Variants in LSAMP observed in about 807,000 individuals in gnomAD.
The protein encoded by LSAMP is limbic system associated membrane protein, also known as limbic system-associated membrane protein.
Under a neutral mutation model 38.6 loss-of-function variants are expected in LSAMP, and 7 were observed. The ratio of observed to expected loss-of-function variants is 0.18; its 90% CI spans 0.10 to 0.34. The LOEUF is 0.34. LSAMP is among the 10% of genes least tolerant of loss of function. The pLI is 1.00. For missense variants in LSAMP, 313 were observed against 420.0 expected (o/e 0.75, Z 2.23); for synonymous variants, 154 against 166.8 (o/e 0.92, Z 0.59).
chr3:116,081,450 C>T (rs1707870932), intron 2 of LSAMP, among the ~76,000 whole-genome samples: 1 of 147,960 alleles, frequency 6.8e-6, no homozygotes, highest in Non-Finnish European at 1.5e-5. Flanking sequence ...AAGACTCTGT[C>T]TCAAAAAAAA....
chr3:116,135,839 C>G lies in LSAMP; in HGVS notation c.156-49283G>C, dbSNP rs145721412. On this transcript the variant is annotated intron_variant, in intron 1 of 6. Transcript: ENST00000490035. ...ATAATGCATCCCATAATTTCTCATC[C>G]TTCCTTGTTCCACAGGCTCAGGCAG... 2.0e-3 allele frequency among the ~76,000 whole-genome samples: 303 copies of G among 152,254 alleles called. 3 individuals are homozygous for G. Among genetic ancestry groups the G allele is most frequent in the East Asian group, 0.014 (72 of 5,178 alleles).
intron 1 of LSAMP, among the ~76,000 whole-genome samples, chr3:116,098,358 G>T (rs549547862): frequency 6.6e-6 from 1 of 152,064 alleles, no homozygotes; most frequent in African/African-American, 2.4e-5. Context: ...AATTAGCCGG[G>T]CGTGGTGGCG....
chr3:115,877,254 GT>G (rs111822478), intron 3 of LSAMP, among the ~76,000 whole-genome samples: 2,378 of 148,792 alleles, frequency 0.016, 54 homozygotes, highest in African/African-American at 0.053. Flanking sequence ...AAAGCTCCCT[GT>G]TTTTTTTTTC....
chr3:116,403,603 TG>T (rs1445284927), intron 1 of LSAMP, among the ~76,000 whole-genome samples: 5 of 152,198 alleles, frequency 3.3e-5, no homozygotes, highest in Non-Finnish European at 7.4e-5. Context: ...GAAATAATTC[TG>T]TGTGCTCTCA....
intron 1 of LSAMP, among the ~76,000 whole-genome samples, chr3:116,248,876 G>A (rs1158355292): frequency 1.3e-5 from 2 of 152,088 alleles, no homozygotes; most frequent in African/African-American, 2.4e-5. Context: ...TGCCAGGCGC[G>A]GTGGCTCACG....
In LSAMP at chr3:115,804,729, T is replaced by C. The variant is rs1933593231; in HGVS notation, c.*5588A>G. Reference sequence around the variant, plus strand: ...ATTTTTTATGTAACAGTTGTTCATATTGTAGGAATGATATATATGTCATCC... The same window carrying C: ...ATTTTTTATGTAACAGTTGTTCATACTGTAGGAATGATATATATGTCATCC... On this transcript the variant is annotated 3_prime_UTR_variant, in exon 7 of 7. Transcript: ENST00000490035. 6.6e-6 allele frequency: 1 copy of C among 152,194 alleles called. No individual in the cohort carries two copies. Among genetic ancestry groups the C allele is most frequent in the African/African-American group, 2.4e-5 (1 of 41,452 alleles). 9.4% of individuals were successfully genotyped at this position (152,194 alleles called of 1,614,324 possible).
chr3:116,213,883 T>G (rs1007487934), intron 1 of LSAMP, among the ~76,000 whole-genome samples: 48 of 152,150 alleles, frequency 3.2e-4, no homozygotes, highest in African/African-American at 1.1e-3. Flanking sequence ...AGTGAAATGA[T>G]GGATGCCAAG....
chr3:116,248,836 T>A (rs2046637515), intron 1 of LSAMP, among the ~76,000 whole-genome samples: 1 of 152,030 alleles, frequency 6.6e-6, no homozygotes. Flanking sequence ...TTGGATATAA[T>A]CCCCATCAGT....
intron 1 of LSAMP, among the ~76,000 whole-genome samples, chr3:116,346,642 TA>T (rs2048067927): frequency 6.6e-6 from 1 of 152,192 alleles, no homozygotes; most frequent in African/African-American, 2.4e-5. Context: ...ATTTTAGAAG[TA>T]AAACAGTTGC....
At chr3:116,416,371 A>G (rs1039201060) in intron 1 of LSAMP, among the ~76,000 whole-genome samples, 1 of 152,190 alleles carries the variant, frequency 6.6e-6, no homozygotes, top group Admixed American at 6.6e-5. Flanking sequence ...AGGGAGCACC[A>G]TGATTAGAGT....
At chr3:116,003,373 A>G (rs1274330265) in intron 3 of LSAMP, among the ~76,000 whole-genome samples, 1 of 152,210 alleles carries the variant, frequency 6.6e-6, no homozygotes, top group African/African-American at 2.4e-5. Context: ...TTGACAATAA[A>G]GGCAAGATCT....
At chr3:116,005,146 C>A (rs1029206230) in intron 3 of LSAMP, among the ~76,000 whole-genome samples, 1 of 152,062 alleles carries the variant, frequency 6.6e-6, no homozygotes, top group Non-Finnish European at 1.5e-5. Flanking sequence ...TTGTCCAAAT[C>A]TTATGGAATT....
At chr3:116,271,771 A>C (rs1232753926) in intron 1 of LSAMP, among the ~76,000 whole-genome samples, 1 of 152,106 alleles carries the variant, frequency 6.6e-6, no homozygotes, top group Non-Finnish European at 1.5e-5. Flanking sequence ...AGTCTAAAAG[A>C]GAAGCTGCAC....
At chr3:116,094,802 G>T (rs1467545485) in intron 1 of LSAMP, among the ~76,000 whole-genome samples, 2 of 152,186 alleles carry the variant, frequency 1.3e-5, no homozygotes, top group African/African-American at 4.8e-5. Flanking sequence ...TTGGAACACA[G>T]ATAAGTCTTT....
chr3:116,226,578 G>A (rs1190711476), intron 1 of LSAMP, among the ~76,000 whole-genome samples: 4 of 152,170 alleles, frequency 2.6e-5, no homozygotes, highest in African/African-American at 9.7e-5. Flanking sequence ...CACTTCTCTG[G>A]AATCAGTGTC....
chr3:116,167,707 A>G (rs1193868380), intron 1 of LSAMP, among the ~76,000 whole-genome samples: 2 of 152,238 alleles, frequency 1.3e-5, no homozygotes, highest in Admixed American at 6.5e-5. Context: ...CTCTGCCCTC[A>G]TGGAGAAACA....
In LSAMP at chr3:116,414,673, A is replaced by G. The variant is rs146580640; in HGVS notation, c.155+30204T>C. On this transcript the variant is annotated intron_variant, in intron 1 of 6. Coordinates refer to ENST00000490035, the MANE Select transcript of LSAMP (RefSeq NM_002338.5). ...GGAAAATGGAGTCTGAGAGAAATCAAACTGTGTTTGTTGAACACTTTTTCT... is the reference window on the plus strand; with the variant it reads ...GGAAAATGGAGTCTGAGAGAAATCAGACTGTGTTTGTTGAACACTTTTTCT... 1.4e-3 allele frequency among the ~76,000 whole-genome samples: 211 copies of G among 152,252 alleles called. 1 individual carries two copies. The highest frequency in any genetic ancestry group is 5.0e-3 in the African/African-American group (206 of 41,548).
At chr3:116,165,790 C>G (rs899181003) in intron 1 of LSAMP, among the ~76,000 whole-genome samples, 1 of 152,116 alleles carries the variant, frequency 6.6e-6, no homozygotes, top group Admixed American at 6.5e-5. Context: ...TGCCAAACTT[C>G]TTATCACCAG....
At chr3:116,300,844 C>T (rs974659309) in intron 1 of LSAMP, among the ~76,000 whole-genome samples, 3 of 152,054 alleles carry the variant, frequency 2.0e-5, no homozygotes, top group Admixed American at 1.3e-4. Context: ...TCACATAAGT[C>T]GGCATGTAAT....
Sources: gnomAD v4.1 joint callset for allele counts (sites outside exome capture counted in the v4.1 genomes callset) on GRCh38, gnomAD v4.1.1 for gene constraint, MANE v1.5 for transcripts, NCBI Gene and HGNC (gene_info 2026-07-23, HGNC 2026-07-21) for gene names.